Variants in DHX35 observed in about 807,000 individuals in gnomAD.
The protein encoded by DHX35 is DEAH-box helicase 35, also known as probable ATP-dependent RNA helicase DHX35.
DHX35 carries 84 observed loss-of-function variants against 99.6 expected under a neutral mutation model. The ratio of observed to expected loss-of-function variants is 0.84; its 90% CI spans 0.71 to 1.01. The LOEUF (loss-of-function observed/expected upper bound fraction) is 1.01. Ranked by LOEUF, DHX35 falls within the 50% of genes least tolerant of loss-of-function variation. The pLI, the probability that DHX35 is intolerant of heterozygous loss-of-function variation, is 0.00. For synonymous variants in DHX35, 331 were observed against 316.2 expected, an observed-to-expected ratio of 1.05 and a Z score of -0.50; for missense variants, 852 against 888.5, an observed-to-expected ratio of 0.96 and a Z score of 0.52.
intron 1 of DHX35, among the ~76,000 whole-genome samples, 171 bp from the exon 2 acceptor site, chr20:38,968,910 G>C (rs995932585): frequency 6.6e-6 from 1 of 152,178 alleles, no homozygotes; most frequent in African/African-American, 2.4e-5. Context: ...TTAGTTCCTC[G>C]TAGGCACTTT....
intron 5 of DHX35, 93 bp from the exon 6 acceptor site, chr20:38,991,361 T>A: frequency 9.3e-7 from 1 of 1,073,198 alleles, no homozygotes; most frequent in Non-Finnish European, 1.3e-6. Context: ...CTTGTACACA[T>A]GCTGGCAAAG....
At chr20:39,017,378 A>G (rs1451905787) in intron 14 of DHX35, among the ~76,000 whole-genome samples, 1 of 152,144 alleles carries the variant, frequency 6.6e-6, no homozygotes, top group East Asian at 1.9e-4. Context: ...CTTCTCAAGC[A>G]TGTAATGGGA....
chr20:39,015,834 C>T (rs939745439), intron 14 of DHX35, among the ~76,000 whole-genome samples: 4 of 152,100 alleles, frequency 2.6e-5, no homozygotes, highest in Admixed American at 6.5e-5. Flanking sequence ...CCATTAGCGC[C>T]GAACTTCTCA....
At chr20:39,025,192 T>A (rs1450855804) in intron 17 of DHX35, 38 bp from the exon 18 acceptor site, 1 of 1,588,630 alleles carries the variant, frequency 6.3e-7, no homozygotes. Flanking sequence ...CGAGAACATA[T>A]CTGTTTTCTA....
intron 21 of DHX35, 34 bp downstream of exon 21, chr20:39,034,351 T>A: frequency 6.6e-7 from 1 of 1,517,688 alleles, no homozygotes; most frequent in Non-Finnish European, 9.2e-7. Flanking sequence ...CCCAGCCACC[T>A]GTTCACAGCC....
In DHX35 at chr20:39,003,806, A is replaced by T. The variant is rs1453263704; in HGVS notation, c.910A>T (p.Thr304Ser). 6.2e-7 allele frequency: 1 copy of T among 1,614,084 alleles called. No individual in the cohort carries two copies. Among genetic ancestry groups the T allele is most frequent in the East Asian group, 2.2e-5 (1 of 44,892 alleles). ...CGAGCAGGCTCGAGCACTAGCTCGC[A>T]CTGGGATGAAGAGACACCTCCGAGT... ...LIEQARALAR[T>S]GMKRHLRVLP... Residue 304 changes from threonine (T) to serine (S), a missense_variant, in exon 11 of 22, where the codon ACT becomes TCT. Physicochemically the swap from Thr to Ser is moderately conservative, Grantham distance 58. Coordinates refer to ENST00000252011, the MANE Select transcript of DHX35 (RefSeq NM_021931.4).
In DHX35 at chr20:39,038,482, C is replaced by G; in HGVS notation, c.2068-17C>G. The G allele has an allele frequency of 1.9e-6, 3 of 1,613,672 alleles. No homozygotes were observed. In the South Asian group the frequency reaches 3.3e-5, roughly 18 times the overall value. The stretch of plus-strand genomic sequence containing the variant: ...GTCTAATCAACCCCAACTGTAGTGT[C>G]TTCTCTTCTGTTGCAGCACCTGTCT... On this transcript the variant is annotated splice_polypyrimidine_tract_variant and intron_variant, in intron 21 of 21. Coordinates refer to ENST00000252011, the MANE Select transcript of DHX35 (RefSeq NM_021931.4).
intron 4 of DHX35, among the ~76,000 whole-genome samples, chr20:38,986,667 A>T (rs545533077): frequency 6.6e-6 from 1 of 152,332 alleles, no homozygotes; most frequent in African/African-American, 2.4e-5. Flanking sequence ...AACGACATGT[A>T]GGGTTGAAAT....
intron 3 of DHX35, chr20:38,978,535 G>T: frequency 6.1e-6 from 2 of 325,590 alleles, no homozygotes; most frequent in Non-Finnish European, 1.2e-5. Flanking sequence ...TTTTAAATTG[G>T]ATTTTTAGTT....
At chr20:39,009,517 T>C (rs2086667185) in intron 12 of DHX35, among the ~76,000 whole-genome samples, 1 of 152,160 alleles carries the variant, frequency 6.6e-6, no homozygotes, top group Admixed American at 6.5e-5. Flanking sequence ...TTGACTGATG[T>C]GGGAGGTTTT....
chr20:39,007,132 T>C (rs1467462342), intron 12 of DHX35, among the ~76,000 whole-genome samples: 1 of 152,238 alleles, frequency 6.6e-6, no homozygotes, highest in Non-Finnish European at 1.5e-5. Flanking sequence ...TTGTTTCTTC[T>C]GGTGTGGCTG....
chr20:38,980,807 A>G (rs1193548365), intron 3 of DHX35, among the ~76,000 whole-genome samples: 2 of 152,156 alleles, frequency 1.3e-5, no homozygotes, highest in African/African-American at 2.4e-5. Context: ...TTTAAATCTC[A>G]TCAGTTTTCT....
intron 2 of DHX35, among the ~76,000 whole-genome samples, chr20:38,969,516 A>G (rs2085962166): frequency 6.6e-6 from 1 of 151,864 alleles, no homozygotes; most frequent in Non-Finnish European, 1.5e-5. Flanking sequence ...AAAAGTAGAG[A>G]AAATAGCAGT....
At chr20:39,016,868 C>CTTTTTTTTTTTTTTTTTTTTTT (rs777635952) in intron 14 of DHX35, among the ~76,000 whole-genome samples, 2 of 106,454 alleles carry the variant, frequency 1.9e-5, no homozygotes, top group Non-Finnish European at 2.0e-5. Flanking sequence ...GTGCTGTTGT[C>CTTTTTTTTTTTTTTTTTTTTTT]TTTTTTTTTT....
At chr20:39,010,244 A>T (rs919968811) in intron 12 of DHX35, 36 bp from the exon 13 acceptor site, 19 of 1,613,838 alleles carry the variant, frequency 1.2e-5, no homozygotes, top group Non-Finnish European at 1.6e-5. Flanking sequence ...TGATTGTGAC[A>T]TTTGGTCCCA....
In DHX35 at chr20:39,034,198, C is replaced by T. The variant is rs748861307; in HGVS notation, c.1956-8C>T. 4.4e-6 allele frequency: 7 copies of T among 1,600,078 alleles called. No homozygotes were observed. The highest frequency in any genetic ancestry group is 2.2e-5 in the South Asian group (2 of 90,826). On this transcript the variant is annotated splice_region_variant and splice_polypyrimidine_tract_variant and intron_variant, in intron 20 of 21. Coordinates refer to ENST00000252011, the MANE Select transcript of DHX35 (RefSeq NM_021931.4). ...GGGAAATTAGCTCATGTTTCTTTCT[C>T]ATTTCAGGGTCATCTATAACGAAGT...
intron 3 of DHX35, chr20:38,978,477 C>T: frequency 1.9e-6 from 1 of 518,840 alleles, no homozygotes; most frequent in South Asian, 2.0e-5. Context: ...TAAATGACCC[C>T]TGCTCCAGAG....
At position 38,972,621 on chromosome 20, in the gene DHX35, A is replaced by G. The variant is rs1330475750; in HGVS notation, c.237A>G (p.Thr79=). 5.0e-6 allele frequency: 8 copies of G among 1,612,518 alleles called. No individual in the cohort carries two copies. In the Admixed American group the frequency reaches 6.7e-5, roughly 13 times the overall value. Residue 79 remains threonine, a synonymous_variant, in exon 3 of 22, where the codon ACA becomes ACG. Coordinates refer to ENST00000252011, the MANE Select transcript of DHX35 (RefSeq NM_021931.4). ...NYQTVVIVGE[T]GCGKSTQIPQ... is the part of the protein sequence containing the mutation. ...AGACAGTGGTGATTGTTGGTGAAAC[A>G]GGATGTGGGAAGAGCACACAGATTC...
At chr20:39,035,135 A>G (rs2087127774) in intron 21 of DHX35, among the ~76,000 whole-genome samples, 1 of 151,970 alleles carries the variant, frequency 6.6e-6, no homozygotes, top group Non-Finnish European at 1.5e-5. Context: ...GCAGTGGCAC[A>G]ATCTCAGCTC....
Sources: allele counts gnomAD v4.1 joint callset (sites outside exome capture counted in the v4.1 genomes callset), GRCh38; gene constraint gnomAD v4.1.1; transcripts MANE v1.5; gene names NCBI Gene and HGNC (gene_info 2026-07-23, HGNC 2026-07-21).